EPC1: variants seen among roughly 807,000 people sequenced by gnomAD.
EPC1 encodes enhancer of polycomb 1.
A neutral mutation model predicts 98.4 loss-of-function variants in EPC1; 12 were observed. That is an observed-to-expected ratio of 0.12 (90% CI 0.08 to 0.20). The LOEUF is 0.20. EPC1 is among the 10% of genes least tolerant of loss of function. EPC1 has a pLI of 1.00. For synonymous variants in EPC1, 357 were observed against 363.9 expected (o/e 0.98, Z 0.21); for missense variants, 729 against 990.5 (o/e 0.74, Z 3.54).
At chr10:32,301,088 A>ATCTC (rs1835506283) in intron 2 of EPC1, among the ~76,000 whole-genome samples, 1 of 147,610 alleles carries the variant, frequency 6.8e-6, no homozygotes, top group Non-Finnish European at 1.5e-5. Flanking sequence ...CTATCTATCT[A>ATCTC]TCTGCCTGCC....
chr10:32,318,636 T>C (rs1836698102), intron 1 of EPC1, among the ~76,000 whole-genome samples: 1 of 152,230 alleles, frequency 6.6e-6, no homozygotes, highest in Non-Finnish European at 1.5e-5. Context: ...CTGACCTACG[T>C]CAGCAAGTTT....
At chr10:32,334,183 T>C (rs1303517635) in intron 1 of EPC1, among the ~76,000 whole-genome samples, 1 of 152,214 alleles carries the variant, frequency 6.6e-6, no homozygotes, top group Non-Finnish European at 1.5e-5. Flanking sequence ...GATTCCCTTG[T>C]GCCTACTATC....
upstream of EPC1, among the ~76,000 whole-genome samples, chr10:32,351,490 C>G (rs1839107556): frequency 6.6e-6 from 1 of 151,816 alleles, no homozygotes; most frequent in African/African-American, 2.4e-5. Flanking sequence ...AACCCTATCT[C>G]TACTAAAAAT....
chr10:32,376,731 G>A (rs1412199196), intron 1 of EPC1, among the ~76,000 whole-genome samples: 3 of 152,078 alleles, frequency 2.0e-5, no homozygotes, highest in African/African-American at 7.2e-5. Context: ...AGTGAAATGA[G>A]CATTTACGTA....
At chr10:32,310,728 G>A (rs1196498059) in intron 1 of EPC1, among the ~76,000 whole-genome samples, 1 of 152,040 alleles carries the variant, frequency 6.6e-6, no homozygotes, top group Non-Finnish European at 1.5e-5. Flanking sequence ...ACAAAAATTA[G>A]CCAGGCATGG....
intron 1 of EPC1, among the ~76,000 whole-genome samples, chr10:32,330,401 A>T (rs889453423): frequency 8.5e-5 from 13 of 152,202 alleles, no homozygotes; most frequent in African/African-American, 3.1e-4. Context: ...CATTAAGCTG[A>T]GTGGAAGGGC....
At chr10:32,357,762 A>G (rs1272210844) in intron 1 of EPC1, among the ~76,000 whole-genome samples, 1 of 150,536 alleles carries the variant, frequency 6.6e-6, no homozygotes, top group Non-Finnish European at 1.5e-5. Flanking sequence ...GCCTGGCCCC[A>G]TTTGTTAGTT....
chr10:32,288,344 TTGCTCTGTCAC>T (rs1159361387), intron 6 of EPC1, among the ~76,000 whole-genome samples: 1 of 148,952 alleles, frequency 6.7e-6, no homozygotes, highest in African/African-American at 2.5e-5. Context: ...AGATGGAGTC[TTGCTCTGTCAC>T]TTAGGCTGGA....
chr10:32,365,089 C>T (rs563345079), intron 1 of EPC1, among the ~76,000 whole-genome samples: 4 of 152,172 alleles, frequency 2.6e-5, no homozygotes, highest in East Asian at 1.9e-4. Flanking sequence ...CCCTAGGGAA[C>T]GTAACTTCAA....
rs1448463071 is a variant in EPC1, at chr10:32,267,955, G to A, written c.*1108C>T. 1 of 152,188 alleles carries A rather than the reference G, an allele frequency of 6.6e-6. No homozygotes were observed. Among genetic ancestry groups the A allele is most frequent in the Non-Finnish European group, 1.5e-5 (1 of 68,048 alleles). The allele number at this position is 152,188 out of a possible 1,614,324, so 9.4% of individuals were successfully genotyped here. ...CAAATATTTCCAAAGGAAGGCACCC[G>A]ATATTTGTGGTTCTGGCCTTGCAGC... On this transcript the variant is annotated 3_prime_UTR_variant, in exon 14 of 14. Coordinates refer to ENST00000319778, the MANE Select transcript of EPC1 (RefSeq NM_001272004.3).
chr10:32,290,567 C>T (rs1026121148), intron 6 of EPC1, among the ~76,000 whole-genome samples: 1 of 150,332 alleles, frequency 6.7e-6, no homozygotes, highest in Non-Finnish European at 1.5e-5. Context: ...CCTAACTCTC[C>T]ATATTTTGTA....
intron 10 of EPC1, chr10:32,284,343 A>G (rs1395148523): frequency 5.5e-6 from 1 of 180,780 alleles, no homozygotes; most frequent in Non-Finnish European, 1.2e-5. Context: ...ACTAGGTAAA[A>G]ACTAGAGAAA....
intron 1 of EPC1, among the ~76,000 whole-genome samples, chr10:32,308,792 G>A (rs921192689): frequency 2.0e-5 from 3 of 152,088 alleles, no homozygotes; most frequent in African/African-American, 7.2e-5. Flanking sequence ...GTATATACCC[G>A]AAAGAATGAA....
At position 32,320,112 on chromosome 10, in the gene EPC1, G is replaced by A. The variant is rs943244005; in HGVS notation, c.154-14181C>T. Among the ~76,000 whole-genome samples the A allele has an allele frequency of 6.6e-5, 10 of 152,108 alleles. No individual in the cohort carries two copies. In the South Asian group the frequency reaches 1.7e-3, roughly 25 times the overall value. The stretch of plus-strand genomic sequence containing the variant: ...CAAAGTGTTAACACGTCTGGGTAAA[G>A]GGTAGAGAATGCTCTATGTACTTAC... On this transcript the variant is annotated intron_variant, in intron 1 of 13. Transcript: ENST00000319778.
chr10:32,371,051 T>C (rs1839731325), intron 1 of EPC1, among the ~76,000 whole-genome samples: 1 of 152,162 alleles, frequency 6.6e-6, no homozygotes. Flanking sequence ...AGAAAGGACA[T>C]GGAATTTGCT....
At chr10:32,347,679 C>CG (rs112730757), upstream of EPC1, among the ~76,000 whole-genome samples, 1 of 152,116 alleles carries the variant, frequency 6.6e-6, no homozygotes, top group Non-Finnish European at 1.5e-5. Context: ...CCGTCTGCCG[C>CG]GGGGGGCGAA....
At position 32,365,708 on chromosome 10, in the gene EPC1, A is replaced by AT. The variant is rs200550553; in HGVS notation, c.3+12782dup. Among the ~76,000 whole-genome samples the AT allele has an allele frequency of 2.5e-3, 370 of 148,390 alleles. 10 individuals carry two copies. The highest frequency in any genetic ancestry group is 0.023 in the Admixed American group (339 of 14,526). On this transcript the variant is annotated intron_variant, in intron 1 of 13. Coordinates refer to the EPC1 transcript ENST00000375110. ...TAGTGGTGCACCTGTAATCTCTGCT[A>AT]TTTGGGGGGCCGAGGCAGGAGAATC...
upstream of EPC1, among the ~76,000 whole-genome samples, chr10:32,351,813 C>T (rs1364601567): frequency 2.0e-5 from 3 of 150,700 alleles, no homozygotes; most frequent in Non-Finnish European, 3.0e-5. Context: ...TCACTGCAAC[C>T]TCCACCTCCC....
chr10:32,290,160 T>C (rs554096268), intron 6 of EPC1, among the ~76,000 whole-genome samples: 14 of 152,224 alleles, frequency 9.2e-5, no homozygotes, highest in Middle Eastern at 3.4e-3. Context: ...TTCCCTCTTA[T>C]ACACTATTGT....
Sources: gnomAD v4.1 joint callset for allele counts (sites outside exome capture counted in the v4.1 genomes callset) on GRCh38, gnomAD v4.1.1 for gene constraint, MANE v1.5 for transcripts, NCBI Gene and HGNC (gene_info 2026-07-23, HGNC 2026-07-21) for gene names.